The following KCNIP4 variants were observed in gnomAD, a reference collection of about 807,000 sequenced individuals.
The protein encoded by KCNIP4 is Kv channel-interacting protein 4.
In KCNIP4, 12 loss-of-function variants were observed where a neutral mutation model predicts 34.0. That is an observed-to-expected ratio of 0.35 (90% CI 0.23 to 0.57). KCNIP4 has a LOEUF of 0.57. Among genes scored for constraint, KCNIP4 ranks in the 20% least tolerant of loss-of-function variants. KCNIP4 has a pLI of 0.83. For missense variants in KCNIP4, 238 were observed against 311.7 expected, an observed-to-expected ratio of 0.76 and a Z score of 1.78; for synonymous variants, 124 against 102.2, an observed-to-expected ratio of 1.21 and a Z score of -1.29.
At position 21,065,767 on chromosome 4, in the gene KCNIP4, A is replaced by ATAT. The variant is rs1553933180; in HGVS notation, c.62-183059_62-183058insATA. Reference sequence around the variant, plus strand: ...ATATATATATATATATATATATATAACTCAATTTTATTTTAAAAAATAGTA... The same window carrying ATAT: ...ATATATATATATATATATATATATAATATCTCAATTTTATTTTAAAAAATAGTA... On this transcript the variant is annotated intron_variant, in intron 1 of 8. Transcript: ENST00000382152. Among the ~76,000 whole-genome samples, 833 of 96,138 alleles carry ATAT rather than the reference A, an allele frequency of 8.7e-3. 7 individuals are homozygous for ATAT. The highest frequency in any genetic ancestry group is 0.013 in the Non-Finnish European group (593 of 45,392). The allele number at this position is 96,138 out of a possible 152,430, so 63.1% of individuals were successfully genotyped here. A position where few individuals can be genotyped will look rare whatever the true frequency, so the allele number is the denominator to read the frequency against.
chr4:21,151,981 G>A lies in KCNIP4; in HGVS notation c.62-269272C>T, dbSNP rs573942896. Among the ~76,000 whole-genome samples the A allele has an allele frequency of 4.6e-5, 7 of 152,222 alleles. No individual in the cohort carries two copies. In the South Asian group the frequency reaches 6.2e-4, roughly 14 times the overall value. Reference sequence around the variant, plus strand: ...TATAAAAACAAAATAGGCTGGGTGCGGTGGCTCATGCCTATAATCCTAGCA... The same window carrying A: ...TATAAAAACAAAATAGGCTGGGTGCAGTGGCTCATGCCTATAATCCTAGCA... On this transcript the variant is annotated intron_variant, in intron 1 of 8. Transcript: ENST00000382152.
intron 1 of KCNIP4, among the ~76,000 whole-genome samples, chr4:20,977,503 CA>C (rs1345762972): frequency 6.6e-6 from 1 of 152,132 alleles, no homozygotes; most frequent in Non-Finnish European, 1.5e-5. Context: ...ATTCCCCTTC[CA>C]CTCCCCTCAC....
intron 1 of KCNIP4, among the ~76,000 whole-genome samples, chr4:21,202,989 C>T (rs1756595313): frequency 6.6e-6 from 1 of 152,218 alleles, no homozygotes; most frequent in Non-Finnish European, 1.5e-5. Context: ...TATCTATGCC[C>T]ACCCCAGGCC....
At chr4:20,800,355 C>G (rs1220244801) in intron 3 of KCNIP4, among the ~76,000 whole-genome samples, 1 of 152,182 alleles carries the variant, frequency 6.6e-6, no homozygotes. Flanking sequence ...GACATCAATG[C>G]AGGAACACAA....
intron 1 of KCNIP4, among the ~76,000 whole-genome samples, chr4:21,033,794 T>C (rs1328355394): frequency 6.6e-6 from 1 of 152,168 alleles, no homozygotes; most frequent in African/African-American, 2.4e-5. Context: ...TGTATTTTAA[T>C]GGTAATGTTG....
chr4:21,868,047 A>C (rs1725537626), intron 1 of KCNIP4, among the ~76,000 whole-genome samples: 1 of 152,218 alleles, frequency 6.6e-6, no homozygotes, highest in Non-Finnish European at 1.5e-5. Flanking sequence ...TTGCCGACCT[A>C]GAAGTCTTGC....
At chr4:20,884,142 T>G (rs1725022816) in intron 1 of KCNIP4, among the ~76,000 whole-genome samples, 1 of 152,206 alleles carries the variant, frequency 6.6e-6, no homozygotes, top group African/African-American at 2.4e-5. Context: ...GCCTGGCAAA[T>G]GAGTAAATAA....
intron 1 of KCNIP4, among the ~76,000 whole-genome samples, chr4:21,364,532 C>T (rs71607071): frequency 4.0e-5 from 6 of 151,848 alleles, no homozygotes; most frequent in South Asian, 2.1e-4. Context: ...TGTAATCCAC[C>T]GGTTAAAGAT....
At chr4:21,247,453 C>G (rs531914104) in intron 1 of KCNIP4, among the ~76,000 whole-genome samples, 13 of 151,200 alleles carry the variant, frequency 8.6e-5, no homozygotes, top group African/African-American at 2.9e-4. Flanking sequence ...ACTTCATGAA[C>G]TAAGAGAGAC....
At chr4:20,791,948 C>T (rs1401582379) in intron 3 of KCNIP4, among the ~76,000 whole-genome samples, 1 of 152,198 alleles carries the variant, frequency 6.6e-6, no homozygotes, top group Non-Finnish European at 1.5e-5. Context: ...CCCCACCAGT[C>T]TACCCTGCCC....
At chr4:21,800,429 T>C (rs984744031) in intron 1 of KCNIP4, among the ~76,000 whole-genome samples, 4 of 152,148 alleles carry the variant, frequency 2.6e-5, no homozygotes, top group African/African-American at 9.7e-5. Context: ...GAAGCAAGGA[T>C]TATAAAAATG....
chr4:21,364,338 AT>A (rs1228847059), intron 1 of KCNIP4, among the ~76,000 whole-genome samples: 1 of 152,152 alleles, frequency 6.6e-6, no homozygotes, highest in Non-Finnish European at 1.5e-5. Flanking sequence ...TTAAAACTGA[AT>A]GGCATGGTTT....
chr4:21,431,661 A>G (rs1197689212), intron 1 of KCNIP4, among the ~76,000 whole-genome samples: 1 of 152,088 alleles, frequency 6.6e-6, no homozygotes, highest in Non-Finnish European at 1.5e-5. Context: ...CACTAAAATG[A>G]TGCAGAATGG....
chr4:21,689,134 AT>A (rs1751045824), intron 1 of KCNIP4, among the ~76,000 whole-genome samples: 1 of 152,090 alleles, frequency 6.6e-6, no homozygotes, highest in African/African-American at 2.4e-5. Context: ...CACTTAATAA[AT>A]GTTGGTTGAA....
chr4:21,748,536 G>A (rs1397462567), intron 1 of KCNIP4, among the ~76,000 whole-genome samples: 1 of 152,130 alleles, frequency 6.6e-6, no homozygotes, highest in Non-Finnish European at 1.5e-5. Flanking sequence ...TACATATGTG[G>A]TTTACCTTTC....
intron 1 of KCNIP4, among the ~76,000 whole-genome samples, chr4:21,067,912 A>G (rs1744551145): frequency 6.6e-6 from 1 of 152,162 alleles, no homozygotes; most frequent in Non-Finnish European, 1.5e-5. Context: ...ATTTCCTATA[A>G]TTTTCATTAT....
At chr4:21,821,446 G>T (rs908642038) in intron 1 of KCNIP4, among the ~76,000 whole-genome samples, 2 of 152,090 alleles carry the variant, frequency 1.3e-5, no homozygotes, top group Non-Finnish European at 2.9e-5. Flanking sequence ...CATTTAAAAA[G>T]AAATCCAATC....
intron 1 of KCNIP4, among the ~76,000 whole-genome samples, chr4:20,883,837 A>C (rs1021360334): frequency 6.6e-6 from 1 of 152,204 alleles, no homozygotes; most frequent in East Asian, 1.9e-4. Flanking sequence ...GACAAAATGA[A>C]GTAGTAAATA....
chr4:21,298,737 G>A (rs1349123245), intron 1 of KCNIP4, among the ~76,000 whole-genome samples: 1 of 152,106 alleles, frequency 6.6e-6, no homozygotes, highest in African/African-American at 2.4e-5. Context: ...ATAACATGGT[G>A]CCTTTATAAT....
Sources: gnomAD v4.1 joint callset for allele counts (sites outside exome capture counted in the v4.1 genomes callset) on GRCh38, gnomAD v4.1.1 for gene constraint, MANE v1.5 for transcripts, NCBI Gene and HGNC (gene_info 2026-07-23, HGNC 2026-07-21) for gene names.